ARHGAP15: variants seen among roughly 807,000 people sequenced by gnomAD.
ARHGAP15 encodes rho GTPase-activating protein 15.
In ARHGAP15, 51 loss-of-function variants were observed where a neutral mutation model predicts 63.7. The observed-to-expected ratio is 0.80, with a 90% CI of 0.64 to 1.01. The LOEUF (loss-of-function observed/expected upper bound fraction) is 1.01, where lower values mean the gene tolerates loss of function less well. ARHGAP15 is among the 50% of genes least tolerant of loss of function. ARHGAP15 has a pLI of 0.00. For missense variants in ARHGAP15, 560 were observed against 564.6 expected (o/e 0.99, Z 0.08); for synonymous variants, 191 against 193.8 (o/e 0.99, Z 0.12).
chr2:143,518,573 T>G (rs1282511086), intron 9 of ARHGAP15, among the ~76,000 whole-genome samples: 1 of 152,258 alleles, frequency 6.6e-6, no homozygotes, highest in Non-Finnish European at 1.5e-5. Context: ...AACCTAATGA[T>G]GTGAAACCAT....
chr2:143,306,519 C>T (rs749756983), intron 6 of ARHGAP15, among the ~76,000 whole-genome samples: 6 of 152,026 alleles, frequency 3.9e-5, no homozygotes, highest in Non-Finnish European at 7.4e-5. Context: ...TTATGGAGAT[C>T]AAAATAGATG....
chr2:143,515,014 A>T (rs1026201900), intron 9 of ARHGAP15, among the ~76,000 whole-genome samples: 13 of 152,194 alleles, frequency 8.5e-5, no homozygotes, highest in African/African-American at 1.2e-4. Flanking sequence ...AGATGGTTCC[A>T]TGGCAAAGGA....
rs368611530 is a variant in ARHGAP15, at chr2:143,530,241, TTTG to T, written c.925+10895_925+10897del. 1.7e-3 allele frequency among the ~76,000 whole-genome samples: 264 copies of T among 152,134 alleles called. 2 individuals carry two copies. Among genetic ancestry groups the T allele is most frequent in the African/African-American group, 5.3e-3 (220 of 41,532 alleles). Reference sequence around the variant, plus strand: ...AGTAAGGGTTTTGTTTTTTGTTTGTTTTGTTGTTGTTGTTGTTGTTTTTCCAGG... The same window carrying T: ...AGTAAGGGTTTTGTTTTTTGTTTGTTTTGTTGTTGTTGTTGTTTTTCCAGG... On this transcript the variant is annotated intron_variant, in intron 10 of 13. Transcript: ENST00000295095.
intron 6 of ARHGAP15, among the ~76,000 whole-genome samples, chr2:143,405,184 T>A (rs1688147280): frequency 6.6e-6 from 1 of 151,928 alleles, no homozygotes; most frequent in Non-Finnish European, 1.5e-5. Flanking sequence ...GGAGAAAGCA[T>A]TTTATGAAGT....
At chr2:143,517,494 A>G (rs1446519678) in intron 9 of ARHGAP15, among the ~76,000 whole-genome samples, 1 of 152,234 alleles carries the variant, frequency 6.6e-6, no homozygotes, top group African/African-American at 2.4e-5. Context: ...ACTGATGGTT[A>G]AGATGATGTC....
chr2:143,226,188 A>G (rs914906163), intron 4 of ARHGAP15, among the ~76,000 whole-genome samples: 5 of 152,234 alleles, frequency 3.3e-5, no homozygotes, highest in Non-Finnish European at 7.3e-5. Flanking sequence ...ATAAAGAACA[A>G]TGAGATAATT....
intron 12 of ARHGAP15, among the ~76,000 whole-genome samples, chr2:143,695,869 A>G (rs1359226979): frequency 6.6e-6 from 1 of 152,034 alleles, no homozygotes; most frequent in African/African-American, 2.4e-5. Context: ...CTACCAAAAA[A>G]AAAAAAAAGT....
At chr2:143,266,829 A>C (rs989272804) in intron 6 of ARHGAP15, among the ~76,000 whole-genome samples, 2 of 152,222 alleles carry the variant, frequency 1.3e-5, no homozygotes, top group Non-Finnish European at 2.9e-5. Flanking sequence ...CAAAGGACCA[A>C]GTATCATTGG....
intron 12 of ARHGAP15, among the ~76,000 whole-genome samples, chr2:143,654,258 T>C (rs1681318936): frequency 6.6e-6 from 1 of 152,166 alleles, no homozygotes; most frequent in Non-Finnish European, 1.5e-5. Context: ...AATAATGGTA[T>C]AATAGAATGC....
chr2:143,474,127 A>G (rs1424520613), intron 8 of ARHGAP15, among the ~76,000 whole-genome samples: 1 of 152,066 alleles, frequency 6.6e-6, no homozygotes. Context: ...TGACATCTGC[A>G]TCTGTAGGGG....
chr2:143,266,255 A>T (rs761479845), intron 6 of ARHGAP15, among the ~76,000 whole-genome samples: 3 of 152,122 alleles, frequency 2.0e-5, no homozygotes, highest in Non-Finnish European at 2.9e-5. Flanking sequence ...TGCCCTTTTG[A>T]TAATACTGTC....
intron 10 of ARHGAP15, among the ~76,000 whole-genome samples, chr2:143,520,204 C>T (rs1467327196): frequency 6.6e-6 from 1 of 152,126 alleles, no homozygotes; most frequent in Non-Finnish European, 1.5e-5. Context: ...AACCTATTCC[C>T]ATTTCCAGCT....
chr2:143,457,499 C>G (rs1320312278), intron 8 of ARHGAP15, among the ~76,000 whole-genome samples: 1 of 151,410 alleles, frequency 6.6e-6, no homozygotes, highest in Non-Finnish European at 1.5e-5. Context: ...TGCACTCCAG[C>G]CTGGGCAACA....
chr2:143,435,963 G>A (rs1199164623), intron 7 of ARHGAP15, among the ~76,000 whole-genome samples: 1 of 151,720 alleles, frequency 6.6e-6, no homozygotes, highest in Non-Finnish European at 1.5e-5. Context: ...ACTGGAGGCT[G>A]TAAAAAGCAC....
chr2:143,416,817 C>CCCG (rs1558957051), intron 6 of ARHGAP15, among the ~76,000 whole-genome samples: 3 of 55,912 alleles, frequency 5.4e-5, no homozygotes, highest in African/African-American at 1.8e-4. Context: ...CCACTTCCCC[C>CCCG]ACCACCCCCC....
chr2:143,254,735 T>C (rs1273364399), intron 6 of ARHGAP15, among the ~76,000 whole-genome samples: 1 of 152,102 alleles, frequency 6.6e-6, no homozygotes, highest in Admixed American at 6.6e-5. Flanking sequence ...CCAAAGAAAA[T>C]ACATAGAAAC....
chr2:143,154,063 G>A (rs1689981232), intron 1 of ARHGAP15, among the ~76,000 whole-genome samples: 1 of 151,364 alleles, frequency 6.6e-6, no homozygotes, highest in African/African-American at 2.4e-5. Context: ...AGACATATGG[G>A]TCTTCTTTTG....
intron 6 of ARHGAP15, among the ~76,000 whole-genome samples, chr2:143,357,930 T>C (rs569909306): frequency 1.3e-5 from 2 of 152,182 alleles, no homozygotes; most frequent in African/African-American, 2.4e-5. Context: ...TAAGAGAGTA[T>C]TTATTTGTGT....
chr2:143,414,790 G>A (rs957897388), intron 6 of ARHGAP15, among the ~76,000 whole-genome samples: 13 of 152,214 alleles, frequency 8.5e-5, no homozygotes, highest in East Asian at 1.9e-4. Context: ...AAAGTTAGCC[G>A]GGCGTGGTGG....
Sources: gnomAD v4.1 joint callset for allele counts (sites outside exome capture counted in the v4.1 genomes callset) on GRCh38, gnomAD v4.1.1 for gene constraint, MANE v1.5 for transcripts, NCBI Gene and HGNC (gene_info 2026-07-23, HGNC 2026-07-21) for gene names.